The following ARL14EP variants were observed in gnomAD, a reference collection of about 807,000 sequenced individuals.
ARL14EP encodes ARF like GTPase 14 effector protein, also known as ARL14 effector protein.
ARL14EP carries 12 observed loss-of-function variants against 23.1 expected under a neutral mutation model. The ratio of observed to expected loss-of-function variants is 0.52; its 90% CI spans 0.33 to 0.84. ARL14EP has a LOEUF of 0.84. Ranked by LOEUF, ARL14EP falls within the 40% of genes least tolerant of loss-of-function variation. The pLI is 0.02. For synonymous variants in ARL14EP, 97 were observed against 102.0 expected (o/e 0.95, Z 0.29); for missense variants, 253 against 307.3 (o/e 0.82, Z 1.32).
At chr11:30,323,447 AG>A (rs931425216) in intron 1 of ARL14EP, among the ~76,000 whole-genome samples, 2 of 152,154 alleles carry the variant, frequency 1.3e-5, no homozygotes, top group African/African-American at 4.8e-5. Flanking sequence ...GACCTCTCTG[AG>A]GGTCGTCGCC....
intron 1 of ARL14EP, among the ~76,000 whole-genome samples, chr11:30,325,154 G>A (rs1037272702): frequency 1.3e-5 from 2 of 152,214 alleles, no homozygotes; most frequent in African/African-American, 4.8e-5. Flanking sequence ...GAGGAAGTAG[G>A]ATATAAGGGT....
At position 30,334,208 on chromosome 11, in the gene ARL14EP, C is replaced by CTTTTTTTTT. The variant is rs36111177; in HGVS notation, c.554+1232_554+1240dup. ...CAGATTTTCAATGTAGACCAGCCTT[C>CTTTTTTTTT]TTTTTTTTTTTTTTTTTTTTTTTTT... On this transcript the variant is annotated intron_variant, in intron 3 of 3. Transcript: ENST00000282032. Among the ~76,000 whole-genome samples, 414 of 85,952 alleles carry CTTTTTTTTT rather than the reference C, an allele frequency of 4.8e-3. 29 individuals carry two copies. Among genetic ancestry groups the CTTTTTTTTT allele is most frequent in the East Asian group, 7.4e-3 (10 of 1,360 alleles). The allele number at this position is 85,952 out of a possible 152,430, so 56.4% of individuals were successfully genotyped here.
chr11:30,336,935 C>T lies in ARL14EP; in HGVS notation c.*140C>T. On this transcript the variant is annotated 3_prime_UTR_variant, in exon 4 of 4. Transcript: ENST00000282032. ...GTGCCCTAATTTTTCATCTTGGGTG[C>T]TTTAAGATTCACTATTTGATATAAA... is the stretch of plus-strand genomic sequence containing the variant. The T allele has an allele frequency of 1.3e-6, 1 of 779,550 alleles. No homozygotes were observed. The highest frequency in any genetic ancestry group is 2.7e-5 in the East Asian group (1 of 37,464). The allele number at this position is 779,550 out of a possible 1,614,324, so 48.3% of individuals were successfully genotyped here.
At chr11:30,333,181 A>T (rs1947299211) in intron 3 of ARL14EP, among the ~76,000 whole-genome samples, 188 bp downstream of exon 3, 1 of 152,230 alleles carries the variant, frequency 6.6e-6, no homozygotes, top group Non-Finnish European at 1.5e-5. Flanking sequence ...AACTACAAAA[A>T]TTTGTTTCTA....
At chr11:30,324,856 T>C (rs562492264) in intron 1 of ARL14EP, among the ~76,000 whole-genome samples, 71 of 152,340 alleles carry the variant, frequency 4.7e-4, no homozygotes, top group Middle Eastern at 3.4e-3. Context: ...TCATTCTCTT[T>C]TGATTCTTAG....
chr11:30,328,325 A>G (rs1249540648), intron 1 of ARL14EP: 1 of 151,990 alleles, frequency 6.6e-6, no homozygotes, highest in East Asian at 2.0e-4. Context: ...TAGACACGAG[A>G]TTTCACTATG....
At chr11:30,327,365 T>A (rs1009179296) in intron 1 of ARL14EP, among the ~76,000 whole-genome samples, 1 of 152,078 alleles carries the variant, frequency 6.6e-6, no homozygotes, top group African/African-American at 2.4e-5. Flanking sequence ...AAAATTAAAA[T>A]TAATAGAGTA....
Position 30,335,833 on chromosome 11 carries a change from C to G in ARL14EP, c.555-734C>G, listed in dbSNP as rs150412672. ...TTATTGGGGGTGGTCTGGAACCAAA[C>G]CCACAATACCTCCGAAATGTGCCTG... On this transcript the variant is annotated intron_variant, in intron 3 of 3. Transcript: ENST00000282032. Among the ~76,000 whole-genome samples the G allele has an allele frequency of 9.2e-5, 14 of 151,882 alleles. No individual in the cohort carries two copies. The East Asian group carries it at 2.7e-3, about 29-fold the overall frequency.
chr11:30,330,290 T>A (rs1947271865), intron 1 of ARL14EP: 1 of 152,356 alleles, frequency 6.6e-6, no homozygotes, highest in African/African-American at 2.4e-5. Flanking sequence ...CTTAGACCTT[T>A]GCTCTTTCAT....
At chr11:30,325,560 A>G (rs1010186513) in intron 1 of ARL14EP, among the ~76,000 whole-genome samples, 4 of 152,176 alleles carry the variant, frequency 2.6e-5, no homozygotes, top group African/African-American at 9.7e-5. Context: ...ACCATGGTGA[A>G]TCTTTCTAAA....
rs1282322983 is a variant in ARL14EP, at chr11:30,330,917, A to G, written c.-32A>G. 4 of 1,533,724 alleles carry G rather than the reference A, an allele frequency of 2.6e-6. No individual in the cohort carries two copies. Among genetic ancestry groups the G allele is most frequent in the Admixed American group, 1.9e-5 (1 of 52,684 alleles). On this transcript the variant is annotated 5_prime_UTR_variant, in exon 2 of 4. Transcript: ENST00000282032. ...CAGCCCATGACCTAAACCTCCAGAC[A>G]AAATAAAACGGAAAATTTGCTAGAA...
chr11:30,324,311 A>G (rs1358664194), intron 1 of ARL14EP, among the ~76,000 whole-genome samples: 5 of 152,224 alleles, frequency 3.3e-5, no homozygotes, highest in Non-Finnish European at 7.3e-5. Flanking sequence ...AAGAGACATC[A>G]GTTGACCTAA....
Position 30,337,852 on chromosome 11 carries a change from A to G in ARL14EP, c.*1057A>G, listed in dbSNP as rs1947346176. On this transcript the variant is annotated 3_prime_UTR_variant, in exon 4 of 4. Transcript: ENST00000282032. ...AACTACTTTGTTTTTACAATGAAAT[A>G]AAACACTTTAATTCTATTTCTAATG... 6.6e-6 allele frequency: 1 copy of G among 152,262 alleles called. No homozygotes were observed. The highest frequency in any genetic ancestry group is 1.5e-5 in the Non-Finnish European group (1 of 68,048). 9.4% of individuals were successfully genotyped at this position (152,262 alleles called of 1,614,324 possible).
chr11:30,329,712 G>C (rs1393631578), intron 1 of ARL14EP: 1 of 152,054 alleles, frequency 6.6e-6, no homozygotes, highest in Non-Finnish European at 1.5e-5. Flanking sequence ...ATTGGCTTTT[G>C]TTCTCTTTCT....
At chr11:30,328,622 T>C (rs999366167) in intron 1 of ARL14EP, 3 of 152,186 alleles carry the variant, frequency 2.0e-5, no homozygotes, top group African/African-American at 7.2e-5. Context: ...TAAAGTGTAT[T>C]TTATTTTTTA....
intron 1 of ARL14EP, chr11:30,329,869 C>T (rs1242601382): frequency 6.6e-6 from 1 of 151,808 alleles, no homozygotes; most frequent in Non-Finnish European, 1.5e-5. Context: ...TTTAGTTATA[C>T]AGAAATGTGT....
At chr11:30,332,152 A>G (rs1034899159) in intron 2 of ARL14EP, among the ~76,000 whole-genome samples, 1 of 152,026 alleles carries the variant, frequency 6.6e-6, no homozygotes, top group African/African-American at 2.4e-5. Flanking sequence ...TTACTGCTGG[A>G]ATATTTTTCT....
At chr11:30,328,446 C>G (rs1730994002) in intron 1 of ARL14EP, 1 of 152,090 alleles carries the variant, frequency 6.6e-6, no homozygotes, top group South Asian at 2.1e-4. Context: ...AGAAACTTTT[C>G]TAATTATTAC....
At position 30,334,276 on chromosome 11, in the gene ARL14EP, C is replaced by T. The variant is rs370591453; in HGVS notation, c.554+1283C>T. Among the ~76,000 whole-genome samples the T allele has an allele frequency of 7.4e-5, 10 of 135,210 alleles. No homozygotes were observed. In the East Asian group the frequency reaches 1.2e-3, roughly 16 times the overall value. 88.7% of individuals were successfully genotyped at this position (135,210 alleles called of 152,430 possible). A position where few individuals can be genotyped will look rare whatever the true frequency, so the allele number is the denominator to read the frequency against. On this transcript the variant is annotated intron_variant, in intron 3 of 3. Coordinates refer to ENST00000282032, the MANE Select transcript of ARL14EP (RefSeq NM_152316.3). ...TGTCACCCAGCCTGAGGTGCAGTGGCGCAAACTCAGCTCACTACACCCGCC... is the reference window on the plus strand; with the variant it reads ...TGTCACCCAGCCTGAGGTGCAGTGGTGCAAACTCAGCTCACTACACCCGCC...
Sources: allele counts gnomAD v4.1 joint callset (sites outside exome capture counted in the v4.1 genomes callset), GRCh38; gene constraint gnomAD v4.1.1; transcripts MANE v1.5; gene names NCBI Gene and HGNC (gene_info 2026-07-23, HGNC 2026-07-21).